Variants in RAB33A observed in about 807,000 individuals in gnomAD.
The protein encoded by RAB33A is ras-related protein Rab-33A.
Under a neutral mutation model 12.0 loss-of-function variants are expected in RAB33A, and 6 were observed. The observed-to-expected ratio is 0.50, with a 90% CI of 0.27 to 0.99. The LOEUF is 0.99. Ranked by LOEUF, RAB33A falls within the 50% of genes least tolerant of loss-of-function variation. The pLI, the probability that RAB33A is intolerant of heterozygous loss-of-function variation, is 0.11. For synonymous variants in RAB33A, 70 were observed against 82.4 expected (o/e 0.85, Z 0.81); for missense variants, 109 against 192.0 (o/e 0.57, Z 2.55).
At chrX:130,115,710 AAAG>A in the RAB33A span, among the ~76,000 whole-genome samples, 5 of 29,245 alleles carry the variant, frequency 1.7e-4, no homozygotes, top group African/African-American at 3.7e-4. Flanking sequence ...GAGAAAGAAA[AAAG>A]AAAGAAAGAA....
the RAB33A span, among the ~76,000 whole-genome samples, chrX:130,118,833 A>G: frequency 9.0e-6 from 1 of 111,054 alleles, no homozygotes; most frequent in African/African-American, 3.3e-5. Context: ...ATGTGTGTGC[A>G]TATGCCTGTG....
chrX:130,132,231 T>C, the RAB33A span, among the ~76,000 whole-genome samples: 2 of 112,283 alleles, frequency 1.8e-5, no homozygotes, highest in African/African-American at 6.5e-5. Flanking sequence ...AGATGCCAAC[T>C]GATCTGCTGT....
At chrX:130,129,714 C>A in the RAB33A span, 6 of 905,819 alleles carry the variant, frequency 6.6e-6, no homozygotes, top group Non-Finnish European at 9.7e-6. Context: ...CTGGGGCAGT[C>A]CCCATATCAC....
At chrX:130,140,864 C>T in the RAB33A span, among the ~76,000 whole-genome samples, 1 of 112,346 alleles carries the variant, frequency 8.9e-6, no homozygotes, top group Non-Finnish European at 1.9e-5. Context: ...TGCCTGTAAT[C>T]CCAACACTTT....
At chrX:130,169,539 T>C (rs1361761596), upstream of RAB33A, among the ~76,000 whole-genome samples, 2 of 112,150 alleles carry the variant, frequency 1.8e-5, no homozygotes, top group Non-Finnish European at 3.8e-5. Context: ...TTAAAAATTA[T>C]ATTTTTATCT....
At chrX:130,183,792 T>G (rs2031757398) in intron 1 of RAB33A, among the ~76,000 whole-genome samples, 1 of 112,359 alleles carries the variant, frequency 8.9e-6, no homozygotes, top group African/African-American at 3.2e-5. Flanking sequence ...TTAACAATCT[T>G]AAGAAAAACT....
chrX:130,129,732 G>A, the RAB33A span: 2 of 829,214 alleles, frequency 2.4e-6, no homozygotes, highest in Middle Eastern at 3.0e-4. Context: ...CACACTGGGA[G>A]GGAGTTGTGG....
At chrX:130,154,468 G>A in the RAB33A span, among the ~76,000 whole-genome samples, 3 of 112,435 alleles carry the variant, frequency 2.7e-5, no homozygotes, top group East Asian at 8.3e-4. Context: ...AAAAAGTAAG[G>A]CTCAGAGGGT....
intron 1 of RAB33A, 122 bp downstream of exon 1, chrX:130,172,442 C>G: frequency 1.1e-6 from 1 of 914,420 alleles, no homozygotes; most frequent in Non-Finnish European, 1.5e-6. Flanking sequence ...CTTGCTGAGC[C>G]GAGGACCCTC....
chrX:130,111,952 C>T, the RAB33A span, among the ~76,000 whole-genome samples: 1 of 111,601 alleles, frequency 9.0e-6, no homozygotes, highest in East Asian at 2.8e-4. Context: ...AAGGCCTAAG[C>T]CTTGGCAGAA....
At chrX:130,149,655 C>G in the RAB33A span, 1 of 706,183 alleles carries the variant, frequency 1.4e-6, no homozygotes, top group African/African-American at 2.1e-5. Flanking sequence ...AAATGAGAAG[C>G]TTTTGTCTAT....
the RAB33A span, among the ~76,000 whole-genome samples, chrX:130,138,321 C>T: frequency 1.8e-5 from 2 of 110,615 alleles, no homozygotes; most frequent in African/African-American, 6.6e-5. Context: ...AAAAATTAGC[C>T]AGGCGTGGTT....
chrX:130,184,859 T>G lies in RAB33A; in HGVS notation c.*119T>G. ...ATACAAATTGATATCAAAATAAAATTTGTATAGATTATCACATGGCTTTTT... is the reference window on the plus strand; with the variant it reads ...ATACAAATTGATATCAAAATAAAATGTGTATAGATTATCACATGGCTTTTT... On this transcript the variant is annotated 3_prime_UTR_variant, in exon 2 of 2. Coordinates refer to ENST00000257017, the MANE Select transcript of RAB33A (RefSeq NM_004794.3). 1 of 659,369 alleles carries G rather than the reference T, an allele frequency of 1.5e-6. No homozygotes were observed. Among genetic ancestry groups the G allele is most frequent in the Non-Finnish European group, 2.2e-6 (1 of 447,656 alleles). The allele number at this position is 659,369 out of a possible 1,213,427, so 54.3% of individuals were successfully genotyped here. A position where few individuals can be genotyped will look rare whatever the true frequency, so the allele number is the denominator to read the frequency against.
chrX:130,146,831 T>G, the RAB33A span, among the ~76,000 whole-genome samples: 167 of 112,046 alleles, frequency 1.5e-3, no homozygotes, highest in African/African-American at 5.0e-3. Context: ...AAAAAGTTTC[T>G]TTTCTTCTGC....
the RAB33A span, chrX:130,165,585 G>A: frequency 6.7e-4 from 807 of 1,199,365 alleles, 2 homozygotes; most frequent in Non-Finnish European, 8.6e-4. Flanking sequence ...GGCTTCGGAC[G>A]CACACGGTCC....
chrX:130,148,922 C>CTTTTTTT, the RAB33A span, among the ~76,000 whole-genome samples: 1 of 68,365 alleles, frequency 1.5e-5, no homozygotes, highest in Non-Finnish European at 2.6e-5. Context: ...TTTTAAGAGA[C>CTTTTTTT]TTTTTTTTTT....
chrX:130,129,436 C>A, the RAB33A span: 12 of 582,581 alleles, frequency 2.1e-5, no homozygotes, highest in Non-Finnish European at 3.0e-5. Flanking sequence ...AAAATATTCA[C>A]AAAGGACTTG....
upstream of RAB33A, chrX:130,171,771 C>G (rs209554): frequency 9.0e-6 from 3 of 333,362 alleles, no homozygotes; most frequent in South Asian, 6.1e-5. Flanking sequence ...GCAGAAGGCT[C>G]GCGGCTCGTC....
the RAB33A span, among the ~76,000 whole-genome samples, chrX:130,120,888 C>CGCGGCG: frequency 9.7e-5 from 11 of 113,205 alleles, no homozygotes; most frequent in African/African-American, 3.5e-4. Flanking sequence ...GCACGCGGAA[C>CGCGGCG]GCGGCGGCGG....
Sources: allele counts gnomAD v4.1 joint callset (sites outside exome capture counted in the v4.1 genomes callset), GRCh38; gene constraint gnomAD v4.1.1; transcripts MANE v1.5; gene names NCBI Gene and HGNC (gene_info 2026-07-23, HGNC 2026-07-21).